The following STK32B variants were observed in gnomAD, a reference collection of about 807,000 sequenced individuals.
The protein encoded by STK32B is serine/threonine-protein kinase 32B.
In STK32B, 43 loss-of-function variants were observed where a neutral mutation model predicts 52.6. That is an observed-to-expected ratio of 0.82 (90% CI 0.64 to 1.05). The LOEUF is 1.05. Ranked by LOEUF, STK32B falls within the 50% of genes least tolerant of loss-of-function variation. The probability of loss-of-function intolerance (pLI) is 0.00; values close to 1 mark genes in which losing one functional copy is unlikely to be tolerated. For synonymous variants in STK32B, 238 were observed against 204.3 expected (o/e 1.17, Z -1.41); for missense variants, 621 against 534.6 (o/e 1.16, Z -1.59).
chr4:5,411,985 G>A (rs1238691135), intron 5 of STK32B, among the ~76,000 whole-genome samples: 1 of 152,090 alleles, frequency 6.6e-6, no homozygotes, highest in Non-Finnish European at 1.5e-5. Flanking sequence ...TAAGTCCTGG[G>A]GTCAGTTTTG....
At chr4:5,243,012 G>T (rs1324392411) in intron 3 of STK32B, among the ~76,000 whole-genome samples, 3 of 152,206 alleles carry the variant, frequency 2.0e-5, no homozygotes, top group Non-Finnish European at 4.4e-5. Flanking sequence ...CAGGTAGCGT[G>T]ATGCCTCCAG....
At chr4:5,074,209 T>TGTGTGC (rs397878571) in intron 1 of STK32B, among the ~76,000 whole-genome samples, 17 of 144,220 alleles carry the variant, frequency 1.2e-4, no homozygotes, top group Non-Finnish European at 2.0e-4. Context: ...TGTGTGTGTG[T>TGTGTGC]GCGCGTGCGT....
chr4:5,223,957 T>C (rs1393407732), intron 3 of STK32B, among the ~76,000 whole-genome samples: 1 of 152,204 alleles, frequency 6.6e-6, no homozygotes, highest in Non-Finnish European at 1.5e-5. Context: ...ATGTCTAGCC[T>C]ATACCTGTCC....
intron 2 of STK32B, among the ~76,000 whole-genome samples, chr4:5,146,703 T>C (rs2108840495): frequency 6.6e-6 from 1 of 152,334 alleles, no homozygotes; most frequent in African/African-American, 2.4e-5. Flanking sequence ...CATCACAGAT[T>C]GCTTTGGGGT....
chr4:5,375,752 G>T (rs1410366446), intron 4 of STK32B, among the ~76,000 whole-genome samples: 1 of 152,040 alleles, frequency 6.6e-6, no homozygotes, highest in Non-Finnish European at 1.5e-5. Flanking sequence ...GTCTACTGAT[G>T]ACTGTTCCTC....
At chr4:5,208,545 A>G (rs1722717780) in intron 3 of STK32B, among the ~76,000 whole-genome samples, 1 of 152,226 alleles carries the variant, frequency 6.6e-6, no homozygotes, top group African/African-American at 2.4e-5. Flanking sequence ...AGTCCTGGCA[A>G]AACTAAATGA....
chr4:5,088,698 G>A (rs1161294473), intron 1 of STK32B, among the ~76,000 whole-genome samples: 1 of 151,816 alleles, frequency 6.6e-6, no homozygotes, highest in Admixed American at 6.6e-5. Flanking sequence ...ATTGCAGCCT[G>A]TATCAAGACA....
intron 1 of STK32B, among the ~76,000 whole-genome samples, chr4:5,083,459 A>C (rs375229122): frequency 5.3e-5 from 8 of 152,170 alleles, no homozygotes; most frequent in African/African-American, 1.7e-4. Flanking sequence ...TAATTTTCTG[A>C]ATGTGTCACT....
At chr4:5,440,286 G>T (rs867479804) in intron 6 of STK32B, among the ~76,000 whole-genome samples, 2 of 152,142 alleles carry the variant, frequency 1.3e-5, no homozygotes, top group South Asian at 2.1e-4. Flanking sequence ...TCCTTGAGCA[G>T]TGGCTTGTAG....
intron 4 of STK32B, among the ~76,000 whole-genome samples, chr4:5,360,141 C>G (rs1395477943): frequency 6.6e-6 from 1 of 152,098 alleles, no homozygotes; most frequent in African/African-American, 2.4e-5. Context: ...CGCCGTATAC[C>G]TCTTTTGGCC....
intron 1 of STK32B, among the ~76,000 whole-genome samples, chr4:5,075,569 A>T (rs1560138559): frequency 6.6e-6 from 1 of 151,916 alleles, no homozygotes; most frequent in Non-Finnish European, 1.5e-5. Flanking sequence ...CCTCCTTTTA[A>T]TATTAGTTTA....
At chr4:5,454,077 CTCTT>C (rs1716276240) in intron 7 of STK32B, among the ~76,000 whole-genome samples, 1 of 152,162 alleles carries the variant, frequency 6.6e-6, no homozygotes, top group Admixed American at 6.5e-5. Context: ...CCCCCGACCT[CTCTT>C]TATTGCCCAT....
At chr4:5,461,112 G>A (rs988636915) in intron 9 of STK32B, among the ~76,000 whole-genome samples, 8 of 152,174 alleles carry the variant, frequency 5.3e-5, no homozygotes, top group South Asian at 2.1e-4. Context: ...AGCACCTGAG[G>A]AATAGTGACA....
chr4:5,301,752 T>G (rs1416546537), intron 3 of STK32B, among the ~76,000 whole-genome samples: 1 of 151,158 alleles, frequency 6.6e-6, no homozygotes, highest in Non-Finnish European at 1.5e-5. Flanking sequence ...TTAGCTTTTT[T>G]TTTTTTGAAA....
At chr4:5,405,820 A>G (rs1737622847) in intron 5 of STK32B, among the ~76,000 whole-genome samples, 1 of 152,166 alleles carries the variant, frequency 6.6e-6, no homozygotes. Context: ...ACTGGGGATT[A>G]CAATTAGACA....
intron 6 of STK32B, among the ~76,000 whole-genome samples, chr4:5,441,587 T>C (rs1429498603): frequency 2.0e-5 from 3 of 151,790 alleles, no homozygotes; most frequent in Admixed American, 6.6e-5. Flanking sequence ...GAAGGGTTTT[T>C]TGTGTCTCTA....
At chr4:5,204,695 C>G (rs1446233363) in intron 3 of STK32B, among the ~76,000 whole-genome samples, 5 of 152,040 alleles carry the variant, frequency 3.3e-5, no homozygotes, top group Non-Finnish European at 7.4e-5. Flanking sequence ...GTCTTGAACT[C>G]CTGACCTTGT....
At chr4:5,132,196 C>T (rs575041085) in intron 1 of STK32B, among the ~76,000 whole-genome samples, 18 of 152,252 alleles carry the variant, frequency 1.2e-4, no homozygotes, top group African/African-American at 4.1e-4. Flanking sequence ...TAGGTTGGTT[C>T]TAGGTCTTTG....
chr4:5,270,786 A>T (rs1268689060), intron 3 of STK32B, among the ~76,000 whole-genome samples: 1 of 152,244 alleles, frequency 6.6e-6, no homozygotes, highest in Non-Finnish European at 1.5e-5. Flanking sequence ...TGATATGCTT[A>T]TGTCATTTAT....
Sources: gnomAD v4.1 joint callset for allele counts (sites outside exome capture counted in the v4.1 genomes callset) on GRCh38, gnomAD v4.1.1 for gene constraint, MANE v1.5 for transcripts, NCBI Gene and HGNC (gene_info 2026-07-23, HGNC 2026-07-21) for gene names.